ENTREP2: variants seen among roughly 807,000 people sequenced by gnomAD.
ENTREP2 encodes the protein endosomal transmembrane epsin interactor 2, also known as protein ENTREP2.
the ENTREP2 span, among the ~76,000 whole-genome samples, chr15:29,150,969 C>T: frequency 6.6e-6 from 1 of 151,926 alleles, no homozygotes; most frequent in Non-Finnish European, 1.5e-5. Flanking sequence ...CACACTCATA[C>T]ACACACACAC....
chr15:29,632,839 C>T, the ENTREP2 span, among the ~76,000 whole-genome samples: 8 of 152,288 alleles, frequency 5.3e-5, no homozygotes, highest in South Asian at 1.0e-3. Context: ...GCTGCCTCTA[C>T]CTGTTGGTTT....
the ENTREP2 span, among the ~76,000 whole-genome samples, chr15:29,423,829 G>A: frequency 2.0e-5 from 3 of 151,938 alleles, no homozygotes; most frequent in African/African-American, 4.8e-5. Context: ...TAAGGACTCC[G>A]TTCACAGTAC....
the ENTREP2 span, among the ~76,000 whole-genome samples, chr15:29,627,360 T>C: frequency 6.6e-6 from 1 of 152,018 alleles, no homozygotes; most frequent in African/African-American, 2.4e-5. Context: ...CTGGGCAACA[T>C]GGTGAAACTT....
the ENTREP2 span, among the ~76,000 whole-genome samples, chr15:29,206,729 G>A: frequency 1.3e-5 from 2 of 152,068 alleles, no homozygotes; most frequent in African/African-American, 4.8e-5. Context: ...GGGTGGTGAC[G>A]CACATACGGT....
chr15:29,460,091 A>T, the ENTREP2 span, among the ~76,000 whole-genome samples: 3 of 150,670 alleles, frequency 2.0e-5, no homozygotes, highest in Non-Finnish European at 4.4e-5. Flanking sequence ...AACAAAAAAC[A>T]TTTTTTTTTT....
the ENTREP2 span, among the ~76,000 whole-genome samples, chr15:29,555,451 A>AATAATTTG: frequency 6.6e-6 from 1 of 152,194 alleles, no homozygotes; most frequent in African/African-American, 2.4e-5. Flanking sequence ...TTTTAAATAA[A>AATAATTTG]ATAATTTGAA....
the ENTREP2 span, among the ~76,000 whole-genome samples, chr15:29,194,656 A>G: frequency 6.6e-6 from 1 of 152,174 alleles, no homozygotes; most frequent in East Asian, 1.9e-4. Context: ...AGAACAGTGA[A>G]TAAGAGTGAG....
the ENTREP2 span, among the ~76,000 whole-genome samples, chr15:29,254,575 C>A: frequency 6.6e-6 from 1 of 151,150 alleles, no homozygotes; most frequent in Non-Finnish European, 1.5e-5. Context: ...AAGCTGATTC[C>A]CGGCCAGGCG....
chr15:29,608,852 C>T, the ENTREP2 span, among the ~76,000 whole-genome samples: 1 of 151,814 alleles, frequency 6.6e-6, no homozygotes, highest in East Asian at 2.0e-4. Flanking sequence ...CAGGCTTGAG[C>T]CACCGTGCCT....
the ENTREP2 span, among the ~76,000 whole-genome samples, chr15:29,158,395 T>C: frequency 1.4e-5 from 2 of 141,316 alleles, no homozygotes; most frequent in Non-Finnish European, 3.0e-5. Flanking sequence ...TTAAATGACA[T>C]TATCTCTGCC....
chr15:29,501,909 C>G, the ENTREP2 span, among the ~76,000 whole-genome samples: 1 of 151,794 alleles, frequency 6.6e-6, no homozygotes, highest in South Asian at 2.1e-4. Flanking sequence ...ATGAAAAAGA[C>G]AATTCCATCA....
the ENTREP2 span, among the ~76,000 whole-genome samples, chr15:29,151,216 G>A: frequency 6.6e-6 from 1 of 152,144 alleles, no homozygotes; most frequent in South Asian, 2.1e-4. Flanking sequence ...GGGAGTGACA[G>A]GTCTTCTTGT....
the ENTREP2 span, among the ~76,000 whole-genome samples, chr15:29,529,072 T>C: frequency 6.6e-6 from 1 of 150,510 alleles, no homozygotes; most frequent in Non-Finnish European, 1.5e-5. Context: ...GACCATGACA[T>C]GAAACCAGCC....
At chr15:29,269,688 C>T in the ENTREP2 span, 4 of 1,551,148 alleles carry the variant, frequency 2.6e-6, no homozygotes, top group Non-Finnish European at 3.5e-6. Context: ...GGCCCCGGTT[C>T]CTCGGTTTTT....
the ENTREP2 span, among the ~76,000 whole-genome samples, chr15:29,202,821 T>C: frequency 6.6e-6 from 1 of 152,250 alleles, no homozygotes; most frequent in Non-Finnish European, 1.5e-5. Context: ...GAACTTATTC[T>C]CTTTTATGGC....
At chr15:29,397,207 A>G in the ENTREP2 span, among the ~76,000 whole-genome samples, 1 of 152,098 alleles carries the variant, frequency 6.6e-6, no homozygotes, top group Admixed American at 6.6e-5. Flanking sequence ...CCTGGCCAAC[A>G]TGGTGAAACC....
chr15:29,503,739 T>C, the ENTREP2 span, among the ~76,000 whole-genome samples: 5 of 152,334 alleles, frequency 3.3e-5, no homozygotes, highest in African/African-American at 7.2e-5. Flanking sequence ...AATTAATGAA[T>C]ATGCAGCAAA....
chr15:29,647,432 G>A, the ENTREP2 span, among the ~76,000 whole-genome samples: 1 of 152,154 alleles, frequency 6.6e-6, no homozygotes, highest in South Asian at 2.1e-4. Flanking sequence ...CATTCCTAAA[G>A]TTATCCCTAG....
the ENTREP2 span, among the ~76,000 whole-genome samples, chr15:29,453,317 G>GGC: frequency 6.6e-6 from 1 of 152,250 alleles, no homozygotes; most frequent in African/African-American, 2.4e-5. Context: ...TCCTGGAAGT[G>GGC]GCGGAGGGGA....
Sources: gnomAD v4.1 joint callset for allele counts (sites outside exome capture counted in the v4.1 genomes callset) on GRCh38, gnomAD v4.1.1 for gene constraint, MANE v1.5 for transcripts, NCBI Gene and HGNC (gene_info 2026-07-23, HGNC 2026-07-21) for gene names.